The following TRPM3 variants were observed in gnomAD, a reference collection of about 807,000 sequenced individuals.
TRPM3 encodes the protein long transient receptor potential channel 3.
In TRPM3, 77 loss-of-function variants were observed where a neutral mutation model predicts 181.2. The ratio of observed to expected loss-of-function variants is 0.42; its 90% CI spans 0.35 to 0.51. The LOEUF is 0.51. Among genes scored for constraint, TRPM3 ranks in the 20% least tolerant of loss-of-function variants. The pLI, the probability that TRPM3 is intolerant of heterozygous loss-of-function variation, is 0.01. For synonymous variants in TRPM3, 745 were observed against 796.4 expected, an observed-to-expected ratio of 0.94 and a Z score of 1.09; for missense variants, 1,759 against 2,196.7, an observed-to-expected ratio of 0.80 and a Z score of 3.98.
At chr9:71,319,872 A>G (rs1321164202) in intron 1 of TRPM3, among the ~76,000 whole-genome samples, 1 of 152,170 alleles carries the variant, frequency 6.6e-6, no homozygotes, top group Non-Finnish European at 1.5e-5. Context: ...ACTCTGAGCC[A>G]TTCTTGCTGG....
At chr9:70,613,040 A>G (rs1220767302) in intron 18 of TRPM3, among the ~76,000 whole-genome samples, 1 of 152,340 alleles carries the variant, frequency 6.6e-6, no homozygotes, top group East Asian at 1.9e-4. Flanking sequence ...TTTAACCAGC[A>G]CTGCATTCAA....
rs1390299092 is a variant in TRPM3, at chr9:70,644,186, G to A, written c.1346-3526C>T. On this transcript the variant is annotated intron_variant, in intron 9 of 25. Coordinates refer to ENST00000677713, the MANE Select transcript of TRPM3 (RefSeq NM_001366145.2). ...TCACAGAGCTTACATCCTACTGGTG[G>A]TGGGGAAGTACTCGGAAGTAAGCAA... 2.6e-5 allele frequency among the ~76,000 whole-genome samples: 4 copies of A among 152,182 alleles called. No individual in the cohort carries two copies. In the East Asian group the frequency reaches 5.8e-4, roughly 22 times the overall value.
intron 1 of TRPM3, among the ~76,000 whole-genome samples, chr9:71,192,061 C>T (rs1055306441): frequency 4.0e-5 from 6 of 151,758 alleles, no homozygotes; most frequent in African/African-American, 9.7e-5. Context: ...GTAACCTTTA[C>T]GTCTGAGCTT....
rs2040503256 is a variant in TRPM3 at position 70,529,063 on chromosome 9, T to C, written c.*6890A>G. 1.3e-5 allele frequency: 2 copies of C among 152,074 alleles called. No individual in the cohort carries two copies. The highest frequency in any genetic ancestry group is 2.4e-5 in the African/African-American group (1 of 41,412). The allele number at this position is 152,074 out of a possible 1,614,324, so 9.4% of individuals were successfully genotyped here. On this transcript the variant is annotated 3_prime_UTR_variant, in exon 26 of 26. Transcript: ENST00000677713. ...TAAGTGCACAAAGAAGTCCAAGTCA[T>C]GTTTTAAACTACTGAGTTTTTTTTT...
intron 1 of TRPM3, among the ~76,000 whole-genome samples, chr9:71,345,635 T>C (rs1263842666): frequency 6.6e-6 from 1 of 151,986 alleles, no homozygotes; most frequent in Non-Finnish European, 1.5e-5. Context: ...AAATACCTAA[T>C]GTAGATGATG....
At chr9:70,774,025 A>C (rs1340710635) in intron 7 of TRPM3, 2 of 152,208 alleles carry the variant, frequency 1.3e-5, no homozygotes, top group African/African-American at 4.8e-5. Context: ...AGACATTGTT[A>C]ATCTATCACA....
chr9:71,111,582 C>A (rs2071114772), intron 1 of TRPM3, among the ~76,000 whole-genome samples: 1 of 152,120 alleles, frequency 6.6e-6, no homozygotes, highest in Non-Finnish European at 1.5e-5. Context: ...ACTTATTAAG[C>A]CCCAAATGTC....
At position 70,844,352 on chromosome 9, in the gene TRPM3, G is replaced by T. The variant is rs1033397712; in HGVS notation, c.677-1225C>A. Among the ~76,000 whole-genome samples, 3 of 152,238 alleles carry T rather than the reference G, an allele frequency of 2.0e-5. No individual in the cohort carries two copies. In the East Asian group the frequency reaches 5.8e-4, roughly 29 times the overall value. On this transcript the variant is annotated intron_variant, in intron 4 of 25. Transcript: ENST00000677713. ...TGTAAATGGCCATTAATCATGTTGAGCTATTCAACAGTGTTGGAAAGAATA... is the reference window on the plus strand; with the variant it reads ...TGTAAATGGCCATTAATCATGTTGATCTATTCAACAGTGTTGGAAAGAATA...
chr9:71,368,369 C>T (rs2092407199), intron 1 of TRPM3, among the ~76,000 whole-genome samples: 1 of 152,114 alleles, frequency 6.6e-6, no homozygotes, highest in Admixed American at 6.5e-5. Flanking sequence ...AAACTCCAGG[C>T]CTGAATTTCC....
intron 1 of TRPM3, among the ~76,000 whole-genome samples, chr9:70,949,708 T>C (rs745777751): frequency 9.9e-5 from 15 of 152,084 alleles, no homozygotes; most frequent in Non-Finnish European, 1.6e-4. Context: ...CCAACCTGAA[T>C]GTAATCTTAA....
intron 1 of TRPM3, among the ~76,000 whole-genome samples, chr9:71,340,621 C>T (rs2090896370): frequency 6.6e-6 from 1 of 152,038 alleles, no homozygotes; most frequent in Non-Finnish European, 1.5e-5. Context: ...AACTTTAAGT[C>T]CAATAAACCT....
intron 9 of TRPM3, among the ~76,000 whole-genome samples, chr9:70,671,921 G>A (rs1298216451): frequency 7.3e-6 from 1 of 137,822 alleles, no homozygotes. Flanking sequence ...GTGCCACCAT[G>A]TCCAGCTAAT....
At chr9:71,264,495 G>T (rs1482241734) in intron 1 of TRPM3, among the ~76,000 whole-genome samples, 3 of 152,068 alleles carry the variant, frequency 2.0e-5, no homozygotes, top group African/African-American at 4.8e-5. Context: ...CCCCAAATTG[G>T]CATAAAAATA....
intron 1 of TRPM3, among the ~76,000 whole-genome samples, chr9:71,189,729 T>A (rs1197941503): frequency 6.6e-6 from 1 of 151,840 alleles, no homozygotes; most frequent in African/African-American, 2.4e-5. Flanking sequence ...TACCCCTTAA[T>A]CCTTATTCCT....
At chr9:70,539,070 T>A (rs936295176) in intron 25 of TRPM3, among the ~76,000 whole-genome samples, 31 of 152,194 alleles carry the variant, frequency 2.0e-4, no homozygotes, top group African/African-American at 7.2e-4. Flanking sequence ...CCTTCCAATA[T>A]GCAAAGTAAA....
At position 70,898,456 on chromosome 9, in the gene TRPM3, T is replaced by G. The variant is rs116565012; in HGVS notation, c.178-33945A>C. On this transcript the variant is annotated intron_variant, in intron 1 of 25. Transcript: ENST00000677713. ...TTAAAAGTAAATGTTTTTGAAAAATTTATTGGTTTCCGGCCGGGCACGGTG... is the reference window on the plus strand; with the variant it reads ...TTAAAAGTAAATGTTTTTGAAAAATGTATTGGTTTCCGGCCGGGCACGGTG... Among the ~76,000 whole-genome samples, 817 of 148,862 alleles carry G rather than the reference T, an allele frequency of 5.5e-3. 7 individuals carry two copies. Among genetic ancestry groups the G allele is most frequent in the African/African-American group, 0.019 (772 of 40,860 alleles).
intron 9 of TRPM3, among the ~76,000 whole-genome samples, chr9:70,653,677 CA>C (rs71507003): frequency 0.25 from 25,807 of 102,850 alleles, 2,438 homozygotes; most frequent in East Asian, 0.45. Context: ...CTTCCTGTCT[CA>C]AAAAAAAAAA....
intron 24 of TRPM3, among the ~76,000 whole-genome samples, chr9:70,550,982 T>G (rs2046330010): frequency 6.6e-6 from 1 of 152,162 alleles, no homozygotes; most frequent in Non-Finnish European, 1.5e-5. Context: ...AGAGAGGCCC[T>G]CAAAGCACAG....
At chr9:70,608,433 G>T (rs2061529587) in intron 19 of TRPM3, among the ~76,000 whole-genome samples, 2 of 152,134 alleles carry the variant, frequency 1.3e-5, no homozygotes. Flanking sequence ...ACAGGCCATG[G>T]GTTGAATTTG....
Sources: allele counts gnomAD v4.1 joint callset (sites outside exome capture counted in the v4.1 genomes callset), GRCh38; gene constraint gnomAD v4.1.1; transcripts MANE v1.5; gene names NCBI Gene and HGNC (gene_info 2026-07-23, HGNC 2026-07-21).